The following PPP4R1 variants were observed in gnomAD, a reference collection of about 807,000 sequenced individuals.
The protein encoded by PPP4R1 is protein phosphatase 4 regulatory subunit 1.
A neutral mutation model predicts 111.2 loss-of-function variants in PPP4R1; 42 were observed. That is an observed-to-expected ratio of 0.38 (90% confidence interval 0.29 to 0.49). The LOEUF is 0.49. PPP4R1 is among the 20% of genes least tolerant of loss of function. The pLI is 0.97. For synonymous variants in PPP4R1, 409 were observed against 405.5 expected, an observed-to-expected ratio of 1.01 and a Z score of -0.10; for missense variants, 1,012 against 1,161.6, an observed-to-expected ratio of 0.87 and a Z score of 1.87.
intron 15 of PPP4R1, among the ~76,000 whole-genome samples, chr18:9,556,117 T>C (rs1185531183): frequency 1.4e-5 from 2 of 146,604 alleles, no homozygotes; most frequent in Non-Finnish European, 3.0e-5. Context: ...GCCAAGATCC[T>C]GCCACTGCAC....
intron 8 of PPP4R1, among the ~76,000 whole-genome samples, 195 bp downstream of exon 8, chr18:9,584,320 A>G (rs1179620252): frequency 6.6e-6 from 1 of 152,224 alleles, no homozygotes; most frequent in African/African-American, 2.4e-5. Flanking sequence ...ACATATCCAT[A>G]TTTTTAATAA....
chr18:9,578,579 T>C (rs1156445696), intron 9 of PPP4R1, among the ~76,000 whole-genome samples: 1 of 151,134 alleles, frequency 6.6e-6, no homozygotes, highest in Non-Finnish European at 1.5e-5. Context: ...AGCATAATAA[T>C]ACCTTTTTCA....
At position 9,557,277 on chromosome 18, in the gene PPP4R1, T is replaced by C; in HGVS notation, c.2134A>G (p.Lys712Glu). Reference sequence around the variant, plus strand: ...CCTATCCTGACTTCATCGAGGTCTTTTAAAAATCCATTAAAAATTGGAACC... The same window carrying C: ...CCTATCCTGACTTCATCGAGGTCTTCTAAAAATCCATTAAAAATTGGAACC... ...DLVPIFNGFL[K>E]DLDEVRIGVL... The change falls in exon 15 of 20, where the codon AAA (lysine) becomes GAA (glutamate). Residue 712 changes from lysine to glutamate, a missense_variant. Physicochemically the swap from Lys to Glu is moderately conservative, Grantham distance 56 (BLOSUM62 1). Coordinates refer to ENST00000400556, the MANE Select transcript of PPP4R1 (RefSeq NM_001042388.3). 1.9e-6 allele frequency: 3 copies of C among 1,612,834 alleles called. No homozygotes were observed. Among genetic ancestry groups the C allele is most frequent in the Non-Finnish European group, 2.5e-6 (3 of 1,179,668 alleles).
intron 14 of PPP4R1, among the ~76,000 whole-genome samples, chr18:9,557,998 A>G (rs1404485399): frequency 6.6e-6 from 1 of 152,226 alleles, no homozygotes; most frequent in Admixed American, 6.5e-5. Flanking sequence ...TTTAAGAAAT[A>G]TAAGACTAGG....
Position 9,579,875 on chromosome 18 carries a change from G to C in PPP4R1, c.919-2684C>G, listed in dbSNP as rs113613055. 1.8e-3 allele frequency among the ~76,000 whole-genome samples: 278 copies of C among 152,070 alleles called. 1 individual carries two copies. Among genetic ancestry groups the C allele is most frequent in the African/African-American group, 6.3e-3 (261 of 41,488 alleles). On this transcript the variant is annotated intron_variant, in intron 9 of 19. Transcript: ENST00000400556. ...GACTTCTGAGTATCCTCAGATTTTG[G>C]TATCCACAAGGGGTCCTGGAACCAA...
At chr18:9,569,191 G>GAAA (rs1175501445) in intron 11 of PPP4R1, among the ~76,000 whole-genome samples, 2 of 53,276 alleles carry the variant, frequency 3.8e-5, no homozygotes, top group African/African-American at 6.5e-5. Flanking sequence ...CTCCGTCTCA[G>GAAA]AAAAAAAAAA....
chr18:9,548,791 A>G (rs979125492), intron 19 of PPP4R1, among the ~76,000 whole-genome samples: 26 of 152,058 alleles, frequency 1.7e-4, no homozygotes, highest in Admixed American at 5.2e-4. Flanking sequence ...GGTGGCGGGC[A>G]CCTGTAATCC....
In PPP4R1 at chr18:9,570,394, C is replaced by G. The variant is rs1315022231; in HGVS notation, c.1336G>C (p.Ala446Pro). 1.2e-6 allele frequency: 2 copies of G among 1,613,872 alleles called. No homozygotes were observed. The highest frequency in any genetic ancestry group is 1.3e-5 in the African/African-American group (1 of 74,996). The change falls in exon 11 of 20, where the codon GCT becomes CCT. Residue 446 changes from alanine (A) to proline (P), a missense_variant. Around this residue, in one of 2 missense-constraint regions of PPP4R1, gnomAD observed 707 missense variants for 742.1 expected, o/e 0.95. Transcript: ENST00000400556. ...TTATACAATTCCTGATCTAAGAGAG[C>G]TGAATCTTGTGAAGTGGTGCCAACC... ...PEVGTTSQDS[A>P]LLDQELYNSF...
chr18:9,568,693 C>T (rs749236647), intron 11 of PPP4R1, among the ~76,000 whole-genome samples: 3 of 152,258 alleles, frequency 2.0e-5, no homozygotes, highest in East Asian at 1.9e-4. Context: ...CTCCCAGAAC[C>T]GGCTTAAGGA....
chr18:9,582,851 C>T (rs1310426237), intron 9 of PPP4R1, among the ~76,000 whole-genome samples: 1 of 152,074 alleles, frequency 6.6e-6, no homozygotes, highest in Non-Finnish European at 1.5e-5. Flanking sequence ...TCCAAAGATG[C>T]AAGTGGTTTA....
chr18:9,602,545 C>CAA (rs772730508), intron 2 of PPP4R1, among the ~76,000 whole-genome samples: 11 of 99,184 alleles, frequency 1.1e-4, no homozygotes, highest in African/African-American at 3.1e-4. Context: ...GACTCTGTCT[C>CAA]AAAAAAAAAA....
intron 9 of PPP4R1, among the ~76,000 whole-genome samples, chr18:9,581,779 A>G (rs1055312142): frequency 8.5e-5 from 13 of 152,192 alleles, no homozygotes; most frequent in African/African-American, 3.1e-4. Context: ...GACACATCAC[A>G]GTAAAAATTC....
At chr18:9,569,454 G>A (rs958756313) in intron 11 of PPP4R1, among the ~76,000 whole-genome samples, 1 of 152,090 alleles carries the variant, frequency 6.6e-6, no homozygotes. Flanking sequence ...GAATGACTGC[G>A]TGTACTGCTA....
At chr18:9,553,507 C>A in intron 15 of PPP4R1, 85 bp from the exon 16 acceptor site, 1 of 824,714 alleles carries the variant, frequency 1.2e-6, no homozygotes. Flanking sequence ...AGACTGTAAG[C>A]AATATGGTTA....
At position 9,607,137 on chromosome 18, in the gene PPP4R1, T is replaced by C. The variant is rs376206202; in HGVS notation, c.52+7089A>G. 6.6e-5 allele frequency among the ~76,000 whole-genome samples: 10 copies of C among 152,254 alleles called. No homozygotes were observed. In the East Asian group the frequency reaches 9.6e-4, roughly 15 times the overall value. ...ACTTTGGGAGGCCAAGACAGGTGGATTGCTTGAGCTCAGGAGCTCAAGGCC... is the reference window on the plus strand; with the variant it reads ...ACTTTGGGAGGCCAAGACAGGTGGACTGCTTGAGCTCAGGAGCTCAAGGCC... On this transcript the variant is annotated intron_variant, in intron 2 of 19. Coordinates refer to ENST00000400556, the MANE Select transcript of PPP4R1 (RefSeq NM_001042388.3).
At position 9,559,516 on chromosome 18, in the gene PPP4R1, T is replaced by C; in HGVS notation, c.1931A>G (p.His644Arg). The part of the protein sequence containing the change: ...AQTVDTEIAK[H>R]CAYSLPGVAL... ...CACACCAGGGAGGCTATATGCACAG[T>C]GCTTAGCAATTTCAGTGTCAACCGT... The change falls in exon 14 of 20, where the codon CAC becomes CGC. Residue 644 changes from histidine (H) to arginine (R), a missense_variant. By Grantham distance (29) the His-to-Arg change is conservative. This residue lies in a region of PPP4R1 where 305 missense variants were observed against 419.5 expected (regional missense o/e 0.73). Coordinates refer to ENST00000400556, the MANE Select transcript of PPP4R1 (RefSeq NM_001042388.3). The C allele has an allele frequency of 6.2e-7, 1 of 1,613,862 alleles. No individual in the cohort carries two copies. The highest frequency in any genetic ancestry group is 8.5e-7 in the Non-Finnish European group (1 of 1,179,824).
intron 2 of PPP4R1, among the ~76,000 whole-genome samples, chr18:9,609,052 G>GTC (rs113826727): frequency 0.16 from 23,727 of 151,222 alleles, 2,458 homozygotes; most frequent in African/African-American, 0.29. Context: ...TTTTCTCTCT[G>GTC]TCTCTCTCTC....
chr18:9,590,011 C>T (rs1421857990), intron 4 of PPP4R1: 1 of 152,096 alleles, frequency 6.6e-6, no homozygotes, highest in Non-Finnish European at 1.5e-5. Context: ...GAAGTGAACA[C>T]ACTGTTCAAA....
At chr18:9,572,476 T>C (rs1282344643) in intron 10 of PPP4R1, among the ~76,000 whole-genome samples, 1 of 151,998 alleles carries the variant, frequency 6.6e-6, no homozygotes, top group Non-Finnish European at 1.5e-5. Flanking sequence ...GCAAAACAGA[T>C]TAAACAGTGA....
Sources: gnomAD v4.1 joint callset for allele counts (sites outside exome capture counted in the v4.1 genomes callset) on GRCh38, gnomAD v4.1.1 for gene constraint, gnomAD v4.1.1 regional missense constraint, MANE v1.5 for transcripts, NCBI Gene and HGNC (gene_info 2026-07-23, HGNC 2026-07-21) for gene names.